The following GHR variants were observed in gnomAD, a reference collection of about 807,000 sequenced individuals.
GHR encodes the protein GH receptor.
In GHR, 35 loss-of-function variants were observed where a neutral mutation model predicts 67.1. The ratio of observed to expected loss-of-function variants is 0.52; its 90% confidence interval spans 0.40 to 0.69. The LOEUF (loss-of-function observed/expected upper bound fraction) is 0.69, where lower values mean the gene tolerates loss of function less well. GHR is among the 30% of genes least tolerant of loss of function. GHR has a pLI of 0.00. For missense variants in GHR, 792 were observed against 764.6 expected (o/e 1.04, Z -0.42); for synonymous variants, 272 against 269.1 (o/e 1.01, Z -0.10).
chr5:42,498,871 A>G (rs996052132), intron 1 of GHR, among the ~76,000 whole-genome samples: 2 of 152,220 alleles, frequency 1.3e-5, no homozygotes, highest in Non-Finnish European at 2.9e-5. Flanking sequence ...TTAATAGGCA[A>G]CTTATAGTCT....
At chr5:42,477,334 A>G (rs1303831322) in intron 1 of GHR, among the ~76,000 whole-genome samples, 13 of 152,280 alleles carry the variant, frequency 8.5e-5, no homozygotes, top group Admixed American at 7.2e-4. Flanking sequence ...TAGTGCCACA[A>G]TAAACATACG....
intron 2 of GHR, among the ~76,000 whole-genome samples, chr5:42,577,908 A>G (rs1579979429): frequency 6.6e-6 from 1 of 152,234 alleles, no homozygotes; most frequent in African/African-American, 2.4e-5. Flanking sequence ...AGATGATTCA[A>G]TGCAAGAAGT....
Position 42,424,171 on chromosome 5 carries a change from AGTGTGTGTGTGTGTGTGTGTGTGT to A in GHR, c.-12+241_-12+264del, listed in dbSNP as rs1158830359. Among the ~76,000 whole-genome samples the A allele has an allele frequency of 4.0e-5, 4 of 100,510 alleles. No individual in the cohort carries two copies. Among genetic ancestry groups the A allele is most frequent in the African/African-American group, 1.2e-4 (3 of 24,150 alleles). The allele number at this position is 100,510 out of a possible 152,430, so 65.9% of individuals were successfully genotyped here. Reference sequence around the variant, plus strand: ...CTGGTGGGTTGTTGTAACCCAATCTAGTGTGTGTGTGTGTGTGTGTGTGTGTGTGTGTGTGTGTGTGTGTGTGTC... The same window carrying A: ...CTGGTGGGTTGTTGTAACCCAATCTAGTGTGTGTGTGTGTGTGTGTGTGTC... On this transcript the variant is annotated intron_variant, in intron 1 of 9. Coordinates refer to ENST00000230882, the MANE Select transcript of GHR (RefSeq NM_000163.5). The surrounding 1 kb of genome is among the most constrained non-coding windows in gnomAD (Gnocchi z 4.1).
intron 1 of GHR, among the ~76,000 whole-genome samples, chr5:42,510,057 C>A (rs986565528): frequency 6.6e-6 from 1 of 152,182 alleles, no homozygotes; most frequent in Non-Finnish European, 1.5e-5. Context: ...CGATCACCCC[C>A]CTAACTGCCT....
At chr5:42,682,499 T>C (rs1206634514) in intron 3 of GHR, among the ~76,000 whole-genome samples, 1 of 152,196 alleles carries the variant, frequency 6.6e-6, no homozygotes, top group Non-Finnish European at 1.5e-5. Flanking sequence ...AAGATTATGG[T>C]AGTTCCTCTC....
chr5:42,699,700 T>C, intron 5 of GHR, 124 bp from the exon 6 acceptor site: 1 of 727,752 alleles, frequency 1.4e-6, no homozygotes, highest in Non-Finnish European at 2.5e-6. Context: ...AAGAAAAATA[T>C]TGGAAGAAAT....
chr5:42,557,749 A>T (rs1235641685), intron 1 of GHR, among the ~76,000 whole-genome samples: 2 of 152,316 alleles, frequency 1.3e-5, no homozygotes. Context: ...ACCTGGGAAA[A>T]TATCTTTCAA....
At chr5:42,571,238 G>A (rs927600133) in intron 2 of GHR, among the ~76,000 whole-genome samples, 2 of 152,166 alleles carry the variant, frequency 1.3e-5, no homozygotes, top group African/African-American at 2.4e-5. Context: ...TCTAAGCTAC[G>A]CTTCTTTTGT....
intron 1 of GHR, among the ~76,000 whole-genome samples, chr5:42,541,494 T>G (rs996040941): frequency 6.6e-6 from 1 of 151,802 alleles, no homozygotes; most frequent in African/African-American, 2.4e-5. Flanking sequence ...AAAAATCAGA[T>G]AGGACTTTCA....
intron 1 of GHR, chr5:42,467,640 T>TTTC: frequency 6.2e-7 from 1 of 1,606,184 alleles, no homozygotes; most frequent in Non-Finnish European, 8.5e-7. Flanking sequence ...AAACATAAGG[T>TTTC]TTCTGTCCAG....
chr5:42,690,396 A>G (rs774622493), intron 4 of GHR, among the ~76,000 whole-genome samples: 1 of 152,198 alleles, frequency 6.6e-6, no homozygotes, highest in Non-Finnish European at 1.5e-5. Flanking sequence ...TGAGGATCAT[A>G]TGAGATAACC....
chr5:42,475,953 G>A (rs1579774382), intron 1 of GHR, among the ~76,000 whole-genome samples: 3 of 146,342 alleles, frequency 2.0e-5, no homozygotes, highest in East Asian at 3.9e-4. Flanking sequence ...TCACCAGGCT[G>A]GAGTGCAGTG....
At chr5:42,558,285 A>C (rs993686984) in intron 1 of GHR, among the ~76,000 whole-genome samples, 2 of 152,210 alleles carry the variant, frequency 1.3e-5, no homozygotes, top group Non-Finnish European at 2.9e-5. Flanking sequence ...GACCTTTTAC[A>C]ACATAACCAT....
At position 42,424,014 on chromosome 5, in the gene GHR, C is replaced by T. The variant is rs1221916442; in HGVS notation, c.-12+59C>T. On this transcript the variant is annotated intron_variant, in intron 1 of 9. Transcript: ENST00000230882. This position sits in a 1 kb window ranked among gnomAD's most constrained non-coding sequence, Gnocchi z 4.1. ...TTTTCCTCCTGTTGTGCCAGGGGGC[C>T]TGAGGGTGAACCCTGGGACTCTAGT... The T allele has an allele frequency of 6.5e-6, 1 of 153,576 alleles. No homozygotes were observed. Among genetic ancestry groups the T allele is most frequent in the Non-Finnish European group, 1.5e-5 (1 of 68,604 alleles). The allele number at this position is 153,576 out of a possible 1,614,324, so 9.5% of individuals were successfully genotyped here.
chr5:42,639,065 A>C (rs1407862020), intron 3 of GHR, among the ~76,000 whole-genome samples: 2 of 152,196 alleles, frequency 1.3e-5, no homozygotes, highest in Non-Finnish European at 2.9e-5. Flanking sequence ...GTATTATTAA[A>C]GATACTCCAT....
intron 1 of GHR, among the ~76,000 whole-genome samples, chr5:42,492,227 G>A: frequency 6.6e-6 from 1 of 152,158 alleles, no homozygotes; most frequent in East Asian, 1.9e-4. Context: ...GCAAAAGGCT[G>A]AATTTTTAAA....
At chr5:42,591,401 A>G (rs932880635) in intron 2 of GHR, among the ~76,000 whole-genome samples, 1 of 152,134 alleles carries the variant, frequency 6.6e-6, no homozygotes, top group Non-Finnish European at 1.5e-5. Flanking sequence ...AGTGGGTAGG[A>G]TCTTTGGTTT....
chr5:42,694,910 A>AT lies in GHR; in HGVS notation c.267-3dup, dbSNP rs1204495864. The AT allele has an allele frequency of 1.9e-6, 3 of 1,603,830 alleles. No homozygotes were observed. The highest frequency in any genetic ancestry group is 2.7e-5 in the African/African-American group (2 of 74,730). On this transcript the variant is annotated splice_polypyrimidine_tract_variant and splice_region_variant and intron_variant, in intron 4 of 9. Transcript: ENST00000230882. ...ACAATTAATCTTTTTTTAACCCTTC[A>AT]TTTTAGGAACACTCAAGAATGGACT...
chr5:42,465,958 A>G, intron 1 of GHR: 1 of 659,288 alleles, frequency 1.5e-6, no homozygotes, highest in Admixed American at 2.4e-5. Flanking sequence ...TTTTCCCTTC[A>G]CCGTGAAGTT....
Sources: gnomAD v4.1 joint callset for allele counts (sites outside exome capture counted in the v4.1 genomes callset) on GRCh38, gnomAD v4.1.1 for gene constraint, Gnocchi (gnomAD v3.1) non-coding constraint, MANE v1.5 for transcripts, NCBI Gene and HGNC (gene_info 2026-07-23, HGNC 2026-07-21) for gene names.